SOX6: variants seen among roughly 807,000 people sequenced by gnomAD.
The protein encoded by SOX6 is SRY-box transcription factor 6.
Under a neutral mutation model 97.8 loss-of-function variants are expected in SOX6, and 11 were observed. The ratio of observed to expected loss-of-function variants is 0.11; its 90% CI spans 0.07 to 0.19. The LOEUF (loss-of-function observed/expected upper bound fraction) is 0.19, where lower values mean the gene tolerates loss of function less well. Ranked by LOEUF, SOX6 falls within the 10% of genes least tolerant of loss-of-function variation. The probability of loss-of-function intolerance (pLI) is 1.00; values close to 1 mark genes in which losing one functional copy is unlikely to be tolerated. For synonymous variants in SOX6, 360 were observed against 371.4 expected (o/e 0.97, Z 0.35); for missense variants, 810 against 1,039.5 (o/e 0.78, Z 3.04).
rs549139952 is a variant in SOX6 at position 16,300,111 on chromosome 11, G to T, written c.445+18335C>A. ...ACAAAACATGGAGGTGAGGGCGGCT[G>T]CTCACTGTGGGATGGCAAGCGAGGC... On this transcript the variant is annotated intron_variant, in intron 3 of 15. Transcript: ENST00000683767. This position sits in a 1 kb window ranked among gnomAD's most constrained non-coding sequence, Gnocchi z 4.1. Among the ~76,000 whole-genome samples the T allele has an allele frequency of 6.6e-6, 1 of 152,248 alleles. No homozygotes were observed. The highest frequency in any genetic ancestry group is 2.4e-5 in the African/African-American group (1 of 41,546).
chr11:15,990,490 C>T (rs947620122), intron 13 of SOX6, among the ~76,000 whole-genome samples: 3 of 151,660 alleles, frequency 2.0e-5, no homozygotes, highest in Non-Finnish European at 4.4e-5. Context: ...GTCTTATTCA[C>T]TGCTGTATTC....
chr11:16,173,477 C>A (rs1200111857), intron 6 of SOX6, among the ~76,000 whole-genome samples: 3 of 151,708 alleles, frequency 2.0e-5, no homozygotes, highest in Non-Finnish European at 2.9e-5. Flanking sequence ...TTGTAATACA[C>A]TCTATATATC....
chr11:16,262,397 T>C (rs1021094158), intron 3 of SOX6, among the ~76,000 whole-genome samples: 3 of 152,034 alleles, frequency 2.0e-5, no homozygotes, highest in African/African-American at 4.8e-5. Context: ...ACTGCCAAGA[T>C]AGGCAGAAAC....
intron 1 of SOX6, among the ~76,000 whole-genome samples, chr11:16,466,487 T>C (rs191913376): frequency 1.7e-4 from 26 of 152,206 alleles, no homozygotes; most frequent in Non-Finnish European, 2.8e-4. Flanking sequence ...GTGATCTAAT[T>C]AAAGAGCTTC....
At chr11:16,335,464 A>T (rs1046293691) in intron 2 of SOX6, among the ~76,000 whole-genome samples, 1 of 152,326 alleles carries the variant, frequency 6.6e-6, no homozygotes, top group African/African-American at 2.4e-5. Context: ...CACTAGTTAG[A>T]ACCAAGTGAA....
intron 3 of SOX6, among the ~76,000 whole-genome samples, chr11:16,700,965 T>C (rs561089009): frequency 1.3e-5 from 2 of 152,320 alleles, no homozygotes; most frequent in East Asian, 3.9e-4. Flanking sequence ...TTTAAAAAAA[T>C]ATATACAATG....
chr11:16,262,981 C>T (rs1274108170), intron 3 of SOX6, among the ~76,000 whole-genome samples: 4 of 151,894 alleles, frequency 2.6e-5, no homozygotes, highest in Non-Finnish European at 5.9e-5. Flanking sequence ...TCAAACATCA[C>T]AAAACTTGCC....
intron 1 of SOX6, among the ~76,000 whole-genome samples, chr11:16,407,644 C>T (rs959175064): frequency 6.6e-6 from 1 of 152,044 alleles, no homozygotes; most frequent in Non-Finnish European, 1.5e-5. Context: ...CCTATAGCAC[C>T]ACTCAACAAT....
chr11:16,716,000 G>A (rs577510163), intron 2 of SOX6, among the ~76,000 whole-genome samples: 2 of 152,246 alleles, frequency 1.3e-5, no homozygotes, highest in South Asian at 2.1e-4. Context: ...TTGGAAAGCC[G>A]AGGTGGGAGG....
chr11:16,598,372 G>C (rs1294744560), intron 4 of SOX6, among the ~76,000 whole-genome samples: 1 of 151,998 alleles, frequency 6.6e-6, no homozygotes, highest in African/African-American at 2.4e-5. Flanking sequence ...TCTTTCCCAA[G>C]AAAATGCAAT....
At chr11:16,015,172 G>T in intron 12 of SOX6, 122 bp from the exon 13 acceptor site, 1 of 838,712 alleles carries the variant, frequency 1.2e-6, no homozygotes, top group Non-Finnish European at 2.0e-6. Flanking sequence ...GACCAATGTG[G>T]ACTCTGAAAA....
chr11:16,386,901 A>G (rs933419072), intron 1 of SOX6, among the ~76,000 whole-genome samples: 4 of 152,172 alleles, frequency 2.6e-5, no homozygotes, highest in Admixed American at 1.3e-4. Context: ...TGGCCCATAT[A>G]TACTTGGTAC....
chr11:16,444,803 A>G (rs1859581619), intron 1 of SOX6, among the ~76,000 whole-genome samples: 1 of 152,200 alleles, frequency 6.6e-6, no homozygotes, highest in East Asian at 1.9e-4. Context: ...AAATAGTTGA[A>G]TGGATTTAAA....
intron 4 of SOX6, among the ~76,000 whole-genome samples, chr11:16,512,965 C>T (rs1860903648): frequency 6.6e-6 from 1 of 152,156 alleles, no homozygotes; most frequent in South Asian, 2.1e-4. Context: ...CCAAATAAGT[C>T]AGTTCCTTGA....
At chr11:16,490,310 T>A (rs1860491489) in intron 4 of SOX6, among the ~76,000 whole-genome samples, 1 of 152,048 alleles carries the variant, frequency 6.6e-6, no homozygotes, top group Admixed American at 6.6e-5. Context: ...AACCCTGCTT[T>A]AATAGACTCC....
intron 3 of SOX6, among the ~76,000 whole-genome samples, chr11:16,617,346 C>T (rs1848484435): frequency 1.3e-5 from 2 of 151,764 alleles, no homozygotes; most frequent in Admixed American, 1.3e-4. Context: ...GAATAGTAGG[C>T]TTTTGGGGGA....
intron 6 of SOX6, among the ~76,000 whole-genome samples, chr11:16,182,136 A>G (rs1204083633): frequency 6.6e-6 from 1 of 151,830 alleles, no homozygotes. Context: ...AATATTCTGA[A>G]CTGATTTGGT....
chr11:16,055,836 T>C lies in SOX6; in HGVS notation c.1167A>G (p.Pro389=), dbSNP rs774229287. The C allele has an allele frequency of 1.9e-6, 3 of 1,613,856 alleles. No individual in the cohort carries two copies. Among genetic ancestry groups the C allele is most frequent in the South Asian group, 1.1e-5 (1 of 91,084 alleles). The part of the protein sequence containing the change: ...VSPGAKMPST[P]QPPNTAGTVS... ...CCGTCCCTGCTGTGTTTGGTGGCTG[T>C]GGAGTTGATGGCATCTTTGCTCCAG... The change falls in exon 10 of 16, where the codon CCA becomes CCG. Residue 389 remains proline, a synonymous_variant. Transcript: ENST00000683767.
chr11:16,583,636 TACAC>T (rs199514393), intron 4 of SOX6, among the ~76,000 whole-genome samples: 9 of 87,100 alleles, frequency 1.0e-4, no homozygotes, highest in African/African-American at 3.7e-4. Context: ...TATATATATA[TACAC>T]ATACACACAC....
Sources: allele counts gnomAD v4.1 joint callset (sites outside exome capture counted in the v4.1 genomes callset), GRCh38; gene constraint gnomAD v4.1.1; non-coding constraint Gnocchi (gnomAD v3.1); transcripts MANE v1.5; gene names NCBI Gene and HGNC (gene_info 2026-07-23, HGNC 2026-07-21).